Variants in CRTC3 observed in about 807,000 individuals in gnomAD.
CRTC3 encodes CREB regulated transcription coactivator 3.
CRTC3 carries 26 observed loss-of-function variants against 74.5 expected under a neutral mutation model. The ratio of observed to expected loss-of-function variants is 0.35; its 90% confidence interval spans 0.26 to 0.48. The LOEUF is 0.48. Among genes scored for constraint, CRTC3 ranks in the 20% least tolerant of loss-of-function variants. The pLI, the probability that CRTC3 is intolerant of heterozygous loss-of-function variation, is 0.99. For synonymous variants in CRTC3, 377 were observed against 325.8 expected (o/e 1.16, Z -1.69); for missense variants, 760 against 787.3 (o/e 0.97, Z 0.41).
chr15:90,536,594 AT>A (rs1274350969), intron 1 of CRTC3, among the ~76,000 whole-genome samples: 2 of 152,084 alleles, frequency 1.3e-5, no homozygotes, highest in Non-Finnish European at 2.9e-5. Context: ...GGGATTTTGG[AT>A]TGTAATCGTG....
At chr15:90,617,498 A>G (rs1445447375) in intron 7 of CRTC3, among the ~76,000 whole-genome samples, 2 of 152,240 alleles carry the variant, frequency 1.3e-5, no homozygotes, top group Non-Finnish European at 2.9e-5. Context: ...GTTCAGCCAA[A>G]GGTAGGTAGG....
At chr15:90,533,422 G>GA (rs11370876) in intron 1 of CRTC3, among the ~76,000 whole-genome samples, 184 of 138,862 alleles carry the variant, frequency 1.3e-3, no homozygotes, top group African/African-American at 3.9e-3. Context: ...CTCCGCCTAG[G>GA]AAAAAAAAAA....
In CRTC3 at chr15:90,625,804, G is replaced by A. The variant is rs754258204; in HGVS notation, c.778G>A (p.Gly260Ser). The stretch of plus-strand genomic sequence containing the variant: ...TTTTCCACATAATGGTCAAAACCTA[G>A]GCCTCTCACCCTTCTTGGGGACCTT... ...NAFPHNGQNLGLSPFLGTLNT... is the reference protein window; with the variant it reads ...NAFPHNGQNLSLSPFLGTLNT... Residue 260 changes from glycine to serine, a missense_variant, in exon 10 of 15, where the codon GGC becomes AGC. This residue lies in a region of CRTC3 where 652 missense variants were observed against 635.2 expected (regional missense o/e 1.03). Coordinates refer to ENST00000268184, the MANE Select transcript of CRTC3 (RefSeq NM_022769.5). 8.1e-6 allele frequency: 13 copies of A among 1,613,960 alleles called. No homozygotes were observed. The highest frequency in any genetic ancestry group is 1.1e-5 in the Non-Finnish European group (13 of 1,179,992).
intron 13 of CRTC3, among the ~76,000 whole-genome samples, chr15:90,640,436 A>G (rs2151098726): frequency 6.6e-6 from 1 of 152,276 alleles, no homozygotes; most frequent in Middle Eastern, 3.4e-3. Flanking sequence ...CCATAATCCC[A>G]GCACTTTGGG....
chr15:90,624,785 G>A (rs772313081), intron 9 of CRTC3: 1 of 146,566 alleles, frequency 6.8e-6, no homozygotes, highest in Non-Finnish European at 1.5e-5. Context: ...CCCCTCCCTG[G>A]GGCCCCGCCC....
chr15:90,583,844 T>G (rs1473887250), intron 2 of CRTC3, among the ~76,000 whole-genome samples: 6 of 148,454 alleles, frequency 4.0e-5, no homozygotes, highest in Admixed American at 1.3e-4. Flanking sequence ...GAAGTTTCTC[T>G]TTTCTTTTTT....
rs188998781 is a variant in CRTC3, at chr15:90,592,451, C to A, written c.232-1185C>A. Among the ~76,000 whole-genome samples the A allele has an allele frequency of 3.6e-3, 545 of 152,304 alleles. 4 individuals are homozygous for A. The highest frequency in any genetic ancestry group is 0.013 in the African/African-American group (525 of 41,564). ...GCACATCTATTGCACAATGTATACA[C>A]ATTGCCTCATTATGTGAGATTTATT... On this transcript the variant is annotated intron_variant, in intron 2 of 14. Coordinates refer to ENST00000268184, the MANE Select transcript of CRTC3 (RefSeq NM_022769.5).
chr15:90,599,033 G>A (rs1489757776), intron 3 of CRTC3: 1 of 154,514 alleles, frequency 6.5e-6, no homozygotes, highest in African/African-American at 2.4e-5. Flanking sequence ...CTGAGGCTGC[G>A]AGGCCACAGG....
intron 2 of CRTC3, among the ~76,000 whole-genome samples, chr15:90,579,309 C>T (rs184928006): frequency 9.9e-5 from 15 of 152,270 alleles, no homozygotes; most frequent in Non-Finnish European, 1.8e-4. Context: ...AATCCCCCTG[C>T]GTACTGAGGG....
intron 2 of CRTC3, among the ~76,000 whole-genome samples, chr15:90,588,947 A>G (rs1235802654): frequency 1.3e-5 from 2 of 152,188 alleles, no homozygotes; most frequent in Non-Finnish European, 2.9e-5. Context: ...TTTTTAGATA[A>G]GGAAGATGAA....
At chr15:90,587,794 T>G (rs780044947) in intron 2 of CRTC3, among the ~76,000 whole-genome samples, 2 of 152,006 alleles carry the variant, frequency 1.3e-5, no homozygotes, top group Non-Finnish European at 2.9e-5. Context: ...TTGTATTTTT[T>G]GTAAAGATGG....
chr15:90,577,029 T>TTTTG (rs1967422053), intron 2 of CRTC3, among the ~76,000 whole-genome samples: 1 of 151,218 alleles, frequency 6.6e-6, no homozygotes, highest in African/African-American at 2.4e-5. Flanking sequence ...ATTTGTTTGT[T>TTTTG]TTTTGTTTTG....
intron 2 of CRTC3, among the ~76,000 whole-genome samples, chr15:90,559,514 T>C (rs1165077880): frequency 6.6e-6 from 1 of 152,252 alleles, no homozygotes; most frequent in Non-Finnish European, 1.5e-5. Context: ...AAATAATTAT[T>C]CTACCTCCCA....
Position 90,558,802 on chromosome 15 carries a change from C to T in CRTC3, c.231+18665C>T, listed in dbSNP as rs190055913. ...AGTCTTGCTCTGTCGCCCAGGCTGG[C>T]GTGCAGTGGCGTGATCTCGGCTCAC... On this transcript the variant is annotated intron_variant, in intron 2 of 14. Coordinates refer to ENST00000268184, the MANE Select transcript of CRTC3 (RefSeq NM_022769.5). Among the ~76,000 whole-genome samples the T allele has an allele frequency of 5.4e-3, 815 of 151,740 alleles. 7 individuals carry two copies. Among genetic ancestry groups the T allele is most frequent in the African/African-American group, 0.018 (751 of 41,388 alleles).
chr15:90,643,022 G>A lies in CRTC3; in HGVS notation c.*882G>A, dbSNP rs1969504823. The stretch of plus-strand genomic sequence containing the variant: ...TGGTGAGGCCCTAACCCCACCCACC[G>A]AGCAACTGAGCTTCCCCATCCCTCC... On this transcript the variant is annotated 3_prime_UTR_variant, in exon 15 of 15. Transcript: ENST00000268184. 1 of 232,302 alleles carries A rather than the reference G, an allele frequency of 4.3e-6. No individual in the cohort carries two copies. Among genetic ancestry groups the A allele is most frequent in the African/African-American group, 2.2e-5 (1 of 45,356 alleles). 14.4% of individuals were successfully genotyped at this position (232,302 alleles called of 1,614,324 possible).
At chr15:90,570,337 G>A (rs551017374) in intron 2 of CRTC3, among the ~76,000 whole-genome samples, 6 of 152,178 alleles carry the variant, frequency 3.9e-5, no homozygotes, top group East Asian at 1.9e-4. Context: ...GGCAGGGCTC[G>A]GAGATGGTCT....
intron 10 of CRTC3, among the ~76,000 whole-genome samples, chr15:90,626,737 G>C (rs1206770516): frequency 6.6e-6 from 1 of 151,910 alleles, no homozygotes. Context: ...TCAGCCTCCA[G>C]GGTAGCTGGG....
intron 2 of CRTC3, among the ~76,000 whole-genome samples, chr15:90,570,813 C>T (rs182730606): frequency 1.3e-5 from 2 of 152,216 alleles, no homozygotes; most frequent in East Asian, 1.9e-4. Context: ...GTCTGTTACA[C>T]ACATTACTTG....
intron 3 of CRTC3, chr15:90,594,009 G>T: frequency 3.1e-6 from 1 of 320,410 alleles, no homozygotes; most frequent in Non-Finnish European, 5.7e-6. Context: ...CTGTAATTCG[G>T]TCCCATTGCA....
Sources: gnomAD v4.1 joint callset for allele counts (sites outside exome capture counted in the v4.1 genomes callset) on GRCh38, gnomAD v4.1.1 for gene constraint, gnomAD v4.1.1 regional missense constraint, MANE v1.5 for transcripts, NCBI Gene and HGNC (gene_info 2026-07-23, HGNC 2026-07-21) for gene names.